TP63: variants seen among roughly 807,000 people sequenced by gnomAD.
TP63 encodes tumor protein 63.
In TP63, 17 loss-of-function variants were observed where a neutral mutation model predicts 82.8. The ratio of observed to expected loss-of-function variants is 0.21; its 90% CI spans 0.14 to 0.31. The LOEUF (loss-of-function observed/expected upper bound fraction) is 0.31, where lower values mean the gene tolerates loss of function less well. Ranked by LOEUF, TP63 falls within the 10% of genes least tolerant of loss-of-function variation. The pLI is 1.00. For synonymous variants in TP63, 330 were observed against 321.7 expected (o/e 1.03, Z -0.28); for missense variants, 648 against 895.3 (o/e 0.72, Z 3.52).
the TP63 span, among the ~76,000 whole-genome samples, chr3:189,604,422 C>T: frequency 6.6e-6 from 1 of 152,156 alleles, no homozygotes; most frequent in Non-Finnish European, 1.5e-5. Flanking sequence ...AAATCTCTAC[C>T]ATCTAGCTAA....
intron 4 of TP63, among the ~76,000 whole-genome samples, chr3:189,854,068 C>G (rs533896935): frequency 1.3e-5 from 2 of 152,250 alleles, no homozygotes; most frequent in South Asian, 2.1e-4. Context: ...TCTATCTGTT[C>G]CCAGTACAGA....
Position 189,808,453 on chromosome 3 carries a change from C to T in TP63, c.506C>T (p.Thr169Ile). Residue 169 changes from threonine to isoleucine, a missense_variant, in exon 4 of 14, where the codon ACC becomes ATC. Physicochemically the swap from Thr to Ile is moderately conservative, Grantham distance 89 (BLOSUM62 -1). Coordinates refer to ENST00000264731, the MANE Select transcript of TP63 (RefSeq NM_003722.5). ...LSPSPAIPSN[T>I]DYPGPHSFDV... ...CCATCACCCGCCATCCCCTCCAACA[C>T]CGACTACCCAGGCCCGCACAGTTTC... is the stretch of plus-strand genomic sequence containing the variant. The T allele has an allele frequency of 6.2e-7, 1 of 1,614,212 alleles. No homozygotes were observed. The highest frequency in any genetic ancestry group is 8.5e-7 in the Non-Finnish European group (1 of 1,180,042).
At position 189,738,861 on chromosome 3, in the gene TP63, G is replaced by A. The variant is rs1283035308; in HGVS notation, c.324+87G>A. On this transcript the variant is annotated intron_variant, in intron 3 of 13. Transcript: ENST00000264731. The stretch of plus-strand genomic sequence containing the variant: ...TGTCTTTTCAGTCATGTGTGAAAAG[G>A]CAGGTGGCTCTGAATGGCCAAGGCC... 5 of 1,562,612 alleles carry A rather than the reference G, an allele frequency of 3.2e-6. No homozygotes were observed. The Admixed American group carries it at 7.5e-5, about 24-fold the overall frequency.
rs1384365867 is a variant in TP63, at chr3:189,798,511, A to G, written c.325-9761A>G. ...CAGAGAATGTGTTTGATTAAAAAAA[A>G]GTCTTAGATTTTTATCTTGCTTTGC... On this transcript the variant is annotated intron_variant, in intron 3 of 13. Transcript: ENST00000264731. Among the ~76,000 whole-genome samples the G allele has an allele frequency of 2.0e-5, 3 of 152,046 alleles. 1 individual carries two copies. The highest frequency in any genetic ancestry group is 4.4e-5 in the Non-Finnish European group (3 of 67,958).
chr3:189,685,113 G>A (rs1011700298), intron 1 of TP63, among the ~76,000 whole-genome samples: 1 of 152,020 alleles, frequency 6.6e-6, no homozygotes, highest in Non-Finnish European at 1.5e-5. Flanking sequence ...TTTTCTAAAC[G>A]AATATGAGAG....
At position 189,894,188 on chromosome 3, in the gene TP63, C is replaced by T. The variant is rs779014113; in HGVS notation, c.1747-18C>T. The stretch of plus-strand genomic sequence containing the variant: ...CTCCCTGTTTTCATTCTCCATGACA[C>T]CTTCCCCTGTTGCACAGGATCTGGC... On this transcript the variant is annotated intron_variant, in intron 13 of 13. Coordinates refer to ENST00000264731, the MANE Select transcript of TP63 (RefSeq NM_003722.5). 6.8e-6 allele frequency: 11 copies of T among 1,614,098 alleles called. No individual in the cohort carries two copies. Among genetic ancestry groups the T allele is most frequent in the Admixed American group, 1.7e-5 (1 of 60,028 alleles).
intron 4 of TP63, among the ~76,000 whole-genome samples, chr3:189,821,969 T>C (rs572039522): frequency 6.6e-6 from 1 of 152,154 alleles, no homozygotes; most frequent in African/African-American, 2.4e-5. Flanking sequence ...GGACAAATAG[T>C]GCCTAAGGAA....
At position 189,695,301 on chromosome 3, in the gene TP63, A is replaced by C. The variant is rs568885724; in HGVS notation, c.63-42439A>C. ...TTGGCCATTGAAAGCTCTTTCAGTT[A>C]GTTCCTGTGTCCCTTTGATATACTC... On this transcript the variant is annotated intron_variant, in intron 1 of 13. Transcript: ENST00000264731. 2.0e-5 allele frequency among the ~76,000 whole-genome samples: 3 copies of C among 148,008 alleles called. No individual in the cohort carries two copies. The East Asian group carries it at 5.9e-4, about 29-fold the overall frequency.
chr3:189,709,850 G>A (rs1418690972), intron 1 of TP63, among the ~76,000 whole-genome samples: 1 of 152,024 alleles, frequency 6.6e-6, no homozygotes, highest in Non-Finnish European at 1.5e-5. Context: ...CTTTGAAGGT[G>A]GGTCATACAA....
At chr3:189,843,417 C>T (rs1302338161) in intron 4 of TP63, among the ~76,000 whole-genome samples, 1 of 152,172 alleles carries the variant, frequency 6.6e-6, no homozygotes, top group East Asian at 1.9e-4. Context: ...TTAATCCCCG[C>T]AACTGACAGG....
rs148163194 is a variant in TP63 at position 189,835,544 on chromosome 3, G to A, written c.579+27018G>A. On this transcript the variant is annotated intron_variant, in intron 4 of 13. Coordinates refer to ENST00000264731, the MANE Select transcript of TP63 (RefSeq NM_003722.5). ...GAAAGCATTGCAATACATTCTTACC[G>A]AAGGCTCAGTTCCTGTCCTGTCAGC... is the stretch of plus-strand genomic sequence containing the variant. Among the ~76,000 whole-genome samples, 357 of 152,184 alleles carry A rather than the reference G, an allele frequency of 2.3e-3. 2 individuals are homozygous for A. Among genetic ancestry groups the A allele is most frequent in the African/African-American group, 7.0e-3 (291 of 41,518 alleles).
At chr3:189,684,501 A>T (rs1199857820) in intron 1 of TP63, among the ~76,000 whole-genome samples, 1 of 152,198 alleles carries the variant, frequency 6.6e-6, no homozygotes, top group African/African-American at 2.4e-5. Context: ...GAGAATTTTG[A>T]GTAGTTTAGT....
intron 10 of TP63, among the ~76,000 whole-genome samples, chr3:189,877,624 G>C (rs956186821): frequency 1.3e-5 from 2 of 152,046 alleles, no homozygotes; most frequent in African/African-American, 4.8e-5. Context: ...ATGATTACTT[G>C]ACAATTGTGG....
chr3:189,813,068 A>C (rs1727748612), intron 4 of TP63, among the ~76,000 whole-genome samples: 1 of 152,134 alleles, frequency 6.6e-6, no homozygotes, highest in South Asian at 2.1e-4. Flanking sequence ...TTGCCAGTGC[A>C]AGGAGAGGCC....
chr3:189,761,649 G>A (rs1050548603), intron 3 of TP63, among the ~76,000 whole-genome samples: 9 of 152,172 alleles, frequency 5.9e-5, no homozygotes, highest in Non-Finnish European at 1.2e-4. Flanking sequence ...CCGTTACCCA[G>A]TTCCAAAGTT....
chr3:189,831,572 C>T (rs1193540476), intron 4 of TP63, among the ~76,000 whole-genome samples: 1 of 151,338 alleles, frequency 6.6e-6, no homozygotes, highest in Non-Finnish European at 1.5e-5. Context: ...AGTCTTTAGG[C>T]TACTAGATGG....
intron 4 of TP63, among the ~76,000 whole-genome samples, chr3:189,847,403 T>C (rs1456292778): frequency 6.6e-6 from 1 of 152,154 alleles, no homozygotes; most frequent in Non-Finnish European, 1.5e-5. Flanking sequence ...TATCATCAAA[T>C]GGAAGTAACA....
intron 4 of TP63, among the ~76,000 whole-genome samples, chr3:189,834,209 C>T (rs1712789901): frequency 6.6e-6 from 1 of 152,076 alleles, no homozygotes; most frequent in Non-Finnish European, 1.5e-5. Context: ...TGCTTTTACT[C>T]GTTCCAAAGC....
chr3:189,821,771 C>T (rs1402449587), intron 4 of TP63, among the ~76,000 whole-genome samples: 2 of 152,182 alleles, frequency 1.3e-5, no homozygotes, highest in Admixed American at 6.5e-5. Context: ...TTTGAATTAT[C>T]TTCTTTCCAT....
Sources: allele counts gnomAD v4.1 joint callset (sites outside exome capture counted in the v4.1 genomes callset), GRCh38; gene constraint gnomAD v4.1.1; transcripts MANE v1.5; gene names NCBI Gene and HGNC (gene_info 2026-07-23, HGNC 2026-07-21).